The following NRG1 variants were observed in gnomAD, a reference collection of about 807,000 sequenced individuals.
NRG1 encodes neuregulin 1, also known as pro-neuregulin-1, membrane-bound isoform.
A neutral mutation model predicts 63.8 loss-of-function variants in NRG1; 18 were observed. That is an observed-to-expected ratio of 0.28 (90% CI 0.19 to 0.42). The LOEUF is 0.42. Among genes scored for constraint, NRG1 ranks in the 10% least tolerant of loss-of-function variants. NRG1 has a pLI of 1.00. For missense variants in NRG1, 762 were observed against 814.7 expected, an observed-to-expected ratio of 0.94 and a Z score of 0.79; for synonymous variants, 302 against 301.3, an observed-to-expected ratio of 1.00 and a Z score of -0.02.
intron 1 of NRG1, among the ~76,000 whole-genome samples, chr8:32,379,957 A>C (rs977128605): frequency 6.6e-6 from 1 of 152,188 alleles, no homozygotes; most frequent in African/African-American, 2.4e-5. Context: ...TTCAAAAACA[A>C]AAAGAAGATG....
chr8:32,120,904 T>C (rs1833362418), intron 1 of NRG1, among the ~76,000 whole-genome samples: 1 of 152,030 alleles, frequency 6.6e-6, no homozygotes, highest in South Asian at 2.1e-4. Flanking sequence ...TAGGGCATGG[T>C]ATAAACTCTG....
chr8:32,459,094 A>G (rs901676820), intron 1 of NRG1, among the ~76,000 whole-genome samples: 2 of 152,182 alleles, frequency 1.3e-5, no homozygotes, highest in African/African-American at 4.8e-5. Context: ...CGTAGGTCCA[A>G]CTGACTTCTG....
chr8:32,322,862 G>GTT (rs5890637), intron 1 of NRG1, among the ~76,000 whole-genome samples: 53,506 of 146,818 alleles, frequency 0.36, 10,125 homozygotes, highest in Non-Finnish European at 0.44. Flanking sequence ...AATTCTCTGG[G>GTT]TTTTTTTTTT....
intron 7 of NRG1, among the ~76,000 whole-genome samples, chr8:32,750,768 G>T (rs1213753165): frequency 2.6e-5 from 4 of 151,042 alleles, no homozygotes; most frequent in Non-Finnish European, 5.9e-5. Context: ...AAGCCCCCAG[G>T]TGCACGTGAA....
chr8:31,669,410 G>T (rs923260037), intron 1 of NRG1, among the ~76,000 whole-genome samples: 17 of 152,002 alleles, frequency 1.1e-4, no homozygotes, highest in Admixed American at 9.8e-4. Flanking sequence ...GCTAATTTTT[G>T]TATTTTTTTG....
intron 1 of NRG1, among the ~76,000 whole-genome samples, chr8:31,869,983 A>T (rs1301736655): frequency 6.6e-6 from 1 of 152,220 alleles, no homozygotes; most frequent in Non-Finnish European, 1.5e-5. Flanking sequence ...AAACAATGAG[A>T]TTCAGTATGT....
chr8:32,323,944 T>C (rs1801710026), intron 1 of NRG1, among the ~76,000 whole-genome samples: 1 of 152,166 alleles, frequency 6.6e-6, no homozygotes, highest in African/African-American at 2.4e-5. Context: ...ATTCCAAAAA[T>C]GTTTCCTATC....
intron 1 of NRG1, among the ~76,000 whole-genome samples, chr8:31,808,054 T>A (rs886700005): frequency 7.2e-5 from 11 of 152,034 alleles, no homozygotes; most frequent in African/African-American, 2.7e-4. Flanking sequence ...ACTGCTGCAA[T>A]GGACATGGAT....
At chr8:31,824,453 T>C (rs1364349707) in intron 1 of NRG1, among the ~76,000 whole-genome samples, 1 of 152,088 alleles carries the variant, frequency 6.6e-6, no homozygotes, top group Non-Finnish European at 1.5e-5. Flanking sequence ...GAAAATAGCT[T>C]TGACCATTTC....
chr8:32,159,102 G>T (rs1175066876), intron 1 of NRG1, among the ~76,000 whole-genome samples: 1 of 152,088 alleles, frequency 6.6e-6, no homozygotes, highest in Non-Finnish European at 1.5e-5. Context: ...GTTGACTAAA[G>T]AGTAAAAATC....
chr8:32,233,550 TATATATATATA>T (rs1232438609), intron 1 of NRG1, among the ~76,000 whole-genome samples: 205 of 72,914 alleles, frequency 2.8e-3, no homozygotes, highest in African/African-American at 0.011. Context: ...TATATATATA[TATATATATATA>T]TATTTTTTTT....
At chr8:32,325,895 C>T (rs967903974) in intron 1 of NRG1, among the ~76,000 whole-genome samples, 2 of 152,112 alleles carry the variant, frequency 1.3e-5, no homozygotes, top group East Asian at 1.9e-4. Context: ...ATTCCTCTTT[C>T]GTAACTAGGG....
chr8:32,300,230 G>A (rs558619361), intron 1 of NRG1, among the ~76,000 whole-genome samples: 16 of 152,192 alleles, frequency 1.1e-4, no homozygotes, highest in East Asian at 1.9e-4. Context: ...CTCTGAGATC[G>A]TTAACACTTT....
intron 1 of NRG1, among the ~76,000 whole-genome samples, chr8:32,481,906 G>C (rs748176901): frequency 3.9e-5 from 6 of 152,168 alleles, no homozygotes; most frequent in Non-Finnish European, 5.9e-5. Flanking sequence ...CCAGCTTGTT[G>C]GGGGGTTAGT....
At chr8:32,612,801 T>G (rs2129541301) in intron 3 of NRG1, among the ~76,000 whole-genome samples, 1 of 152,110 alleles carries the variant, frequency 6.6e-6, no homozygotes, top group South Asian at 2.1e-4. Context: ...GCACCTTGGG[T>G]TTACGACTTC....
At chr8:32,026,287 C>G (rs1325857513) in intron 1 of NRG1, 1 of 152,032 alleles carries the variant, frequency 6.6e-6, no homozygotes, top group Non-Finnish European at 1.5e-5. Flanking sequence ...GGATTCAGTG[C>G]TCACAACTCT....
chr8:31,730,912 T>A (rs796284276), intron 1 of NRG1, among the ~76,000 whole-genome samples: 2 of 152,224 alleles, frequency 1.3e-5, no homozygotes, highest in African/African-American at 2.4e-5. Flanking sequence ...TTTTAAAGAA[T>A]GTCAAGATAT....
chr8:32,048,366 T>C (rs970288900), intron 1 of NRG1, among the ~76,000 whole-genome samples: 3 of 148,972 alleles, frequency 2.0e-5, no homozygotes, highest in Non-Finnish European at 4.5e-5. Context: ...TATATGCATG[T>C]ATACATATAT....
rs188264731 is a variant in NRG1, at chr8:31,720,183, A to G, written c.37+80752A>G. Among the ~76,000 whole-genome samples, 668 of 152,292 alleles carry G rather than the reference A, an allele frequency of 4.4e-3. 6 individuals are homozygous for G. Among genetic ancestry groups the G allele is most frequent in the African/African-American group, 0.015 (640 of 41,560 alleles). ...AATGATTTAATTATCTCCCCATATTAGATGATCTTGCTATCTTTATCATAT... is the reference window on the plus strand; with the variant it reads ...AATGATTTAATTATCTCCCCATATTGGATGATCTTGCTATCTTTATCATAT... On this transcript the variant is annotated intron_variant, in intron 1 of 10. Transcript: ENST00000519301.
Sources: gnomAD v4.1 joint callset for allele counts (sites outside exome capture counted in the v4.1 genomes callset) on GRCh38, gnomAD v4.1.1 for gene constraint, MANE v1.5 for transcripts, NCBI Gene and HGNC (gene_info 2026-07-23, HGNC 2026-07-21) for gene names.